PDE3A: variants seen among roughly 807,000 people sequenced by gnomAD.
PDE3A encodes the protein phosphodiesterase 3A, also known as cGMP-inhibited 3',5'-cyclic phosphodiesterase 3A.
Under a neutral mutation model 98.3 loss-of-function variants are expected in PDE3A, and 43 were observed. The ratio of observed to expected loss-of-function variants is 0.44; its 90% CI spans 0.34 to 0.56. The LOEUF (loss-of-function observed/expected upper bound fraction) is 0.56. Among genes scored for constraint, PDE3A ranks in the 20% least tolerant of loss-of-function variants. PDE3A has a pLI of 0.01. For missense variants in PDE3A, 1,427 were observed against 1,440.7 expected (o/e 0.99, Z 0.15); for synonymous variants, 663 against 567.9 (o/e 1.17, Z -2.38).
At chr12:20,575,254 A>ATTAG (rs149664746) in intron 2 of PDE3A, among the ~76,000 whole-genome samples, 1,775 of 152,096 alleles carry the variant, frequency 0.012, 30 homozygotes, top group African/African-American at 0.041. Flanking sequence ...CGACATTCTT[A>ATTAG]TTAGTTAGCA....
intron 1 of PDE3A, among the ~76,000 whole-genome samples, chr12:20,494,430 T>C (rs868497773): frequency 6.6e-6 from 1 of 152,272 alleles, no homozygotes; most frequent in Non-Finnish European, 1.5e-5. Context: ...TTTATTGTAA[T>C]GTGGTCAGAG....
chr12:20,614,017 A>C (rs1943936770), intron 3 of PDE3A, among the ~76,000 whole-genome samples: 1 of 152,166 alleles, frequency 6.6e-6, no homozygotes, highest in Non-Finnish European at 1.5e-5. Context: ...AACAACAACA[A>C]CAAAACAAAG....
intron 1 of PDE3A, among the ~76,000 whole-genome samples, chr12:20,485,062 A>G (rs1159273380): frequency 2.0e-5 from 3 of 152,172 alleles, no homozygotes; most frequent in African/African-American, 7.2e-5. Context: ...TTTTTGTATT[A>G]GTTTCCTGGG....
intron 1 of PDE3A, among the ~76,000 whole-genome samples, chr12:20,420,794 G>C (rs1475865936): frequency 6.6e-6 from 1 of 152,154 alleles, no homozygotes; most frequent in East Asian, 1.9e-4. Context: ...TCTGGGTTAA[G>C]GTGTAGTCCA....
chr12:20,380,663 T>G (rs1943648192), intron 1 of PDE3A, among the ~76,000 whole-genome samples: 1 of 151,718 alleles, frequency 6.6e-6, no homozygotes, highest in Admixed American at 6.6e-5. Flanking sequence ...AACCTTATGG[T>G]GTCAAGTTTC....
At chr12:20,540,342 A>G (rs1487466930) in intron 1 of PDE3A, among the ~76,000 whole-genome samples, 1 of 152,188 alleles carries the variant, frequency 6.6e-6, no homozygotes, top group Non-Finnish European at 1.5e-5. Context: ...GAATAACAAT[A>G]GCTTGATAGA....
In PDE3A at chr12:20,653,208, G is replaced by T. The variant is rs185580326; in HGVS notation, c.2926-739G>T. Among the ~76,000 whole-genome samples, 1,444 of 152,128 alleles carry T rather than the reference G, an allele frequency of 9.5e-3. 16 individuals are homozygous for T. Among genetic ancestry groups the T allele is most frequent in the South Asian group, 0.061 (294 of 4,826 alleles). On this transcript the variant is annotated intron_variant, in intron 14 of 15. Coordinates refer to ENST00000359062, the MANE Select transcript of PDE3A (RefSeq NM_000921.5). ...AACATATAGATAAATAAGAATATCA[G>T]AAACCACACAATCACAGGAGATATA...
At chr12:20,537,139 A>G (rs531288646) in intron 1 of PDE3A, among the ~76,000 whole-genome samples, 1 of 152,208 alleles carries the variant, frequency 6.6e-6, no homozygotes, top group South Asian at 2.1e-4. Context: ...CTTGATTTGC[A>G]TGTCCACAGT....
chr12:20,522,927 G>A (rs556311604), intron 1 of PDE3A, among the ~76,000 whole-genome samples: 2 of 152,172 alleles, frequency 1.3e-5, no homozygotes, highest in East Asian at 3.9e-4. Context: ...CATGGGGAAG[G>A]TTGGCACTGG....
chr12:20,438,781 A>G (rs890639576), intron 1 of PDE3A, among the ~76,000 whole-genome samples: 1 of 147,632 alleles, frequency 6.8e-6, no homozygotes, highest in South Asian at 2.1e-4. Flanking sequence ...TTTTTTTGAG[A>G]TGGAGTCTTG....
intron 1 of PDE3A, among the ~76,000 whole-genome samples, chr12:20,471,945 T>C (rs1218298920): frequency 2.0e-5 from 3 of 152,146 alleles, no homozygotes; most frequent in Admixed American, 6.6e-5. Flanking sequence ...ATTGACGCGA[T>C]TGGTCAGAAA....
chr12:20,662,925 C>G (rs1347997836), intron 15 of PDE3A, among the ~76,000 whole-genome samples: 1 of 152,196 alleles, frequency 6.6e-6, no homozygotes, highest in Non-Finnish European at 1.5e-5. Flanking sequence ...GTGGCAGTCC[C>G]TCCTATCATA....
intron 7 of PDE3A, 53 bp downstream of exon 7, chr12:20,633,831 G>T: frequency 1.8e-6 from 2 of 1,088,136 alleles, no homozygotes; most frequent in Non-Finnish European, 2.7e-6. Flanking sequence ...CCTTATTTTT[G>T]TTTTCCTGAT....
intron 6 of PDE3A, 81 bp downstream of exon 6, chr12:20,630,208 C>A: frequency 3.0e-6 from 3 of 1,016,686 alleles, no homozygotes; most frequent in South Asian, 1.3e-5. Context: ...CCAGCCCACG[C>A]AGCTTGGGGT....
intron 1 of PDE3A, among the ~76,000 whole-genome samples, chr12:20,480,872 G>T (rs538111281): frequency 6.6e-6 from 1 of 152,192 alleles, no homozygotes; most frequent in African/African-American, 2.4e-5. Context: ...CGCCATTCAG[G>T]TTCTGAAATG....
Position 20,688,517 on chromosome 12 carries a change from G to A in PDE3A, c.*8246G>A, listed in dbSNP as rs1407103552. On this transcript the variant is annotated 3_prime_UTR_variant, in exon 16 of 16. Coordinates refer to ENST00000359062, the MANE Select transcript of PDE3A (RefSeq NM_000921.5). ...ATATACTCAAAATTATTAAAATTAT[G>A]TCCTAGATTATCTATGTCGATGTTA... is the stretch of plus-strand genomic sequence containing the variant. Among the ~76,000 whole-genome samples, 2 of 151,374 alleles carry A rather than the reference G, an allele frequency of 1.3e-5. No homozygotes were observed. The highest frequency in any genetic ancestry group is 1.9e-4 in the East Asian group (1 of 5,172).
intron 1 of PDE3A, among the ~76,000 whole-genome samples, chr12:20,435,406 G>C (rs1399262576): frequency 1.3e-5 from 2 of 152,074 alleles, no homozygotes; most frequent in African/African-American, 4.8e-5. Context: ...CTAAGGTGCA[G>C]TATGTACTGA....
At chr12:20,561,992 C>T (rs1017046729) in intron 2 of PDE3A, among the ~76,000 whole-genome samples, 2 of 152,000 alleles carry the variant, frequency 1.3e-5, no homozygotes, top group African/African-American at 4.8e-5. Context: ...AAGTATATAA[C>T]TCTCAAATAG....
chr12:20,479,070 G>T (rs961587360), intron 1 of PDE3A, among the ~76,000 whole-genome samples: 10 of 152,120 alleles, frequency 6.6e-5, no homozygotes, highest in African/African-American at 2.4e-4. Context: ...TTAGAAAAAT[G>T]ACAGTTAGTT....
Sources: allele counts gnomAD v4.1 joint callset (sites outside exome capture counted in the v4.1 genomes callset), GRCh38; gene constraint gnomAD v4.1.1; transcripts MANE v1.5; gene names NCBI Gene and HGNC (gene_info 2026-07-23, HGNC 2026-07-21).